Variants in SGSM3 observed in about 807,000 individuals in gnomAD.
The protein encoded by SGSM3 is small G protein signaling modulator 3.
A neutral mutation model predicts 100.5 loss-of-function variants in SGSM3; 96 were observed. The observed-to-expected ratio is 0.96, with a 90% CI of 0.81 to 1.13. The LOEUF (loss-of-function observed/expected upper bound fraction) is 1.13. SGSM3 is among the 50% of genes most tolerant of loss of function. The pLI is 0.00. For missense variants in SGSM3, 1,001 were observed against 1,015.8 expected (o/e 0.99, Z 0.20); for synonymous variants, 483 against 422.8 (o/e 1.14, Z -1.75).
intron 1 of SGSM3, among the ~76,000 whole-genome samples, chr22:40,393,020 CCTTTTATGGATGAATAATATAGTT>C (rs2049561680): frequency 6.6e-6 from 1 of 152,166 alleles, no homozygotes; most frequent in South Asian, 2.1e-4. Flanking sequence ...GTATTTCATT[CCTTTTATGGATGAATAATATAGTT>C]CATTGTCTGC....
intron 1 of SGSM3, among the ~76,000 whole-genome samples, chr22:40,383,466 CAA>C (rs534039238): frequency 7.0e-4 from 61 of 87,342 alleles, no homozygotes; most frequent in Admixed American, 1.2e-3. Context: ...GACTCTGTCT[CAA>C]AAAAAAAAAA....
intron 1 of SGSM3, among the ~76,000 whole-genome samples, chr22:40,384,155 G>T (rs2048046186): frequency 6.6e-6 from 1 of 151,756 alleles, no homozygotes; most frequent in Non-Finnish European, 1.5e-5. Context: ...GAGGAGAGAT[G>T]ATTGCTTGAG....
Position 40,407,571 on chromosome 22 carries a change from G to C in SGSM3, c.1524+3G>C, listed in dbSNP as rs2051770922. 1 of 1,601,504 alleles carries C rather than the reference G, an allele frequency of 6.2e-7. No individual in the cohort carries two copies. Among genetic ancestry groups the C allele is most frequent in the Non-Finnish European group, 8.5e-7 (1 of 1,178,986 alleles). ...TCCGCAAGAACGACATCATCACAGT[G>C]CGTGGGGGCGCTGGACTACCAGGTC... On this transcript the variant is annotated splice_donor_region_variant and intron_variant, in intron 13 of 21. Transcript: ENST00000248929. The surrounding 1 kb of genome is among the most constrained non-coding windows in gnomAD (Gnocchi z 4.7).
At chr22:40,376,856 T>C (rs2046718716) in intron 1 of SGSM3, among the ~76,000 whole-genome samples, 1 of 152,192 alleles carries the variant, frequency 6.6e-6, no homozygotes, top group African/African-American at 2.4e-5. Flanking sequence ...ATAAAATGGC[T>C]GTGACAAGCA....
chr22:40,389,904 CA>C (rs556479827), intron 1 of SGSM3, among the ~76,000 whole-genome samples: 32 of 58,524 alleles, frequency 5.5e-4, no homozygotes, highest in African/African-American at 8.7e-4. Flanking sequence ...AACTCCGTCT[CA>C]AAAAAAAAAA....
rs1602156132 is a variant in SGSM3 at position 40,409,326 on chromosome 22, T to G, written c.2065T>G (p.Ser689Ala). Reference protein sequence around the residue: ...PTVEKWYQPWSFLRSPGWVQI... With the variant: ...PTVEKWYQPWAFLRSPGWVQI... ...CGTGGAGAAGTGGTACCAGCCCTGG[T>G]CCTTCCTGCGCAGCCCGGGCTGGGT... Residue 689 changes from serine to alanine, a missense_variant, in exon 20 of 22, where the codon TCC becomes GCC. Ser to Ala is a moderately conservative substitution (Grantham distance 99). Coordinates refer to ENST00000248929, the MANE Select transcript of SGSM3 (RefSeq NM_015705.6). The G allele has an allele frequency of 6.2e-7, 1 of 1,613,200 alleles. No homozygotes were observed. Among genetic ancestry groups the G allele is most frequent in the African/African-American group, 1.3e-5 (1 of 75,000 alleles).
intron 1 of SGSM3, among the ~76,000 whole-genome samples, chr22:40,389,407 G>A (rs2049005871): frequency 6.9e-6 from 1 of 145,662 alleles, no homozygotes; most frequent in South Asian, 2.2e-4. Flanking sequence ...CGACCATCCC[G>A]GCTAACACGG....
chr22:40,401,634 C>T lies in SGSM3; in HGVS notation c.49C>T (p.Pro17Ser). ...PACGPFSALT[P>S]SIWPQEILAK... ...CTGTGGCCCTTTCTCAGCCCTGACT[C>T]CGAGCATATGGCCCCAGGAGATCTT... The change falls in exon 3 of 22, where the codon CCG becomes TCG. Residue 17 changes from proline to serine, a missense_variant. Transcript: ENST00000248929. 6.2e-7 allele frequency: 1 copy of T among 1,613,538 alleles called. No individual in the cohort carries two copies. Among genetic ancestry groups the T allele is most frequent in the Non-Finnish European group, 8.5e-7 (1 of 1,179,606 alleles).
chr22:40,400,801 A>G lies in SGSM3; in HGVS notation c.-6A>G, dbSNP rs748389633. 1 of 1,549,430 alleles carries G rather than the reference A, an allele frequency of 6.5e-7. No individual in the cohort carries two copies. Among genetic ancestry groups the G allele is most frequent in the Non-Finnish European group, 8.7e-7 (1 of 1,146,198 alleles). Reference sequence around the variant, plus strand: ...GCTGCAGAAGACTTGCCAGCCCACCAGCACAATGTCAGGTAGAGGCAGGGG... The same window carrying G: ...GCTGCAGAAGACTTGCCAGCCCACCGGCACAATGTCAGGTAGAGGCAGGGG... On this transcript the variant is annotated 5_prime_UTR_variant, in exon 2 of 22. Coordinates refer to ENST00000248929, the MANE Select transcript of SGSM3 (RefSeq NM_015705.6).
At position 40,410,183 on chromosome 22, in the gene SGSM3, G is replaced by A. The variant is rs1166026436; in HGVS notation, c.*424G>A. ...CCAAGGTTCTGCCCTTCCTTGAGTG[G>A]TCTAGAAGGCACTGCGTGGCCCCTC... On this transcript the variant is annotated 3_prime_UTR_variant, in exon 22 of 22. Coordinates refer to ENST00000248929, the MANE Select transcript of SGSM3 (RefSeq NM_015705.6). 1 of 1,075,706 alleles carries A rather than the reference G, an allele frequency of 9.3e-7. No individual in the cohort carries two copies. The highest frequency in any genetic ancestry group is 1.1e-6 in the Non-Finnish European group (1 of 888,004). The allele number at this position is 1,075,706 out of a possible 1,614,324, so 66.6% of individuals were successfully genotyped here.
rs1489372832 is a variant in SGSM3 at position 40,407,578 on chromosome 22, G to T, written c.1524+10G>T. 1 of 1,600,694 alleles carries T rather than the reference G, an allele frequency of 6.2e-7. No homozygotes were observed. Among genetic ancestry groups the T allele is most frequent in the Non-Finnish European group, 8.5e-7 (1 of 1,178,408 alleles). On this transcript the variant is annotated intron_variant, in intron 13 of 21. Coordinates refer to ENST00000248929, the MANE Select transcript of SGSM3 (RefSeq NM_015705.6). The surrounding 1 kb of genome is among the most constrained non-coding windows in gnomAD (Gnocchi z 4.7). ...GAACGACATCATCACAGTGCGTGGG[G>T]GCGCTGGACTACCAGGTCCTCAGGC...
chr22:40,399,468 T>A (rs1238724469), intron 1 of SGSM3, among the ~76,000 whole-genome samples: 1 of 152,178 alleles, frequency 6.6e-6, no homozygotes, highest in Non-Finnish European at 1.5e-5. Flanking sequence ...GTGTCCGTCA[T>A]TTCACAGGGT....
chr22:40,378,884 T>G (rs17001867), intron 1 of SGSM3, among the ~76,000 whole-genome samples: 1 of 152,140 alleles, frequency 6.6e-6, no homozygotes, highest in Non-Finnish European at 1.5e-5. Flanking sequence ...TACCTGCTTT[T>G]CCTCACTTTT....
chr22:40,408,561 C>T (rs538342706), intron 16 of SGSM3, 66 bp from the exon 17 acceptor site: 184 of 1,595,316 alleles, frequency 1.2e-4, no homozygotes, highest in Non-Finnish European at 1.5e-4. Context: ...GGTGCCCAGT[C>T]GGCCCCAAGG....
In SGSM3 at chr22:40,407,936, C is replaced by T. The variant is rs2051857907; in HGVS notation, c.1579+93C>T. 2 of 1,455,154 alleles carry T rather than the reference C, an allele frequency of 1.4e-6. No homozygotes were observed. The highest frequency in any genetic ancestry group is 2.5e-5 in the South Asian group (2 of 79,888). 90.1% of individuals were successfully genotyped at this position (1,455,154 alleles called of 1,614,324 possible). On this transcript the variant is annotated intron_variant, in intron 14 of 21. Coordinates refer to ENST00000248929, the MANE Select transcript of SGSM3 (RefSeq NM_015705.6). The surrounding 1 kb of genome is among the most constrained non-coding windows in gnomAD (Gnocchi z 4.7). ...CCCTGGCCGCCACCAAGCTGTTCTC[C>T]TCTATACACCTGCCTGGCTTGAGGT...
intron 4 of SGSM3, among the ~76,000 whole-genome samples, chr22:40,402,499 G>A (rs541703793): frequency 1.3e-5 from 2 of 152,314 alleles, no homozygotes; most frequent in Admixed American, 1.3e-4. Flanking sequence ...CAGCACTTTG[G>A]GAGGCTGAGG....
At chr22:40,390,628 T>C (rs1262157361) in intron 1 of SGSM3, among the ~76,000 whole-genome samples, 1 of 152,264 alleles carries the variant, frequency 6.6e-6, no homozygotes, top group Non-Finnish European at 1.5e-5. Context: ...CAGTTCTGTT[T>C]ATTTGAGTCC....
chr22:40,407,528 A>G lies in SGSM3; in HGVS notation c.1484A>G (p.Asp495Gly). Residue 495 changes from aspartate (D) to glycine (G), a missense_variant, in exon 13 of 22, where the codon GAC (aspartate) becomes GGC (glycine). Coordinates refer to ENST00000248929, the MANE Select transcript of SGSM3 (RefSeq NM_015705.6). The surrounding 1 kb of genome is among the most constrained non-coding windows in gnomAD (Gnocchi z 4.7). ...GCCCTGCTGGACTTTGAGCGGCACG[A>G]CGACGACGAGCTGGGCTTCCGCAAG... ...AKALLDFERH[D>G]DDELGFRKND... 6.2e-7 allele frequency: 1 copy of G among 1,607,226 alleles called. No individual in the cohort carries two copies. The highest frequency in any genetic ancestry group is 8.5e-7 in the Non-Finnish European group (1 of 1,179,930).
intron 1 of SGSM3, among the ~76,000 whole-genome samples, chr22:40,393,653 C>G (rs1306930140): frequency 6.6e-6 from 1 of 152,214 alleles, no homozygotes; most frequent in Non-Finnish European, 1.5e-5. Flanking sequence ...TTTTGTGCTG[C>G]TGTAACAGAA....
Sources: gnomAD v4.1 joint callset for allele counts (sites outside exome capture counted in the v4.1 genomes callset) on GRCh38, gnomAD v4.1.1 for gene constraint, Gnocchi (gnomAD v3.1) non-coding constraint, MANE v1.5 for transcripts, NCBI Gene and HGNC (gene_info 2026-07-23, HGNC 2026-07-21) for gene names.